RASSF8: variants seen among roughly 807,000 people sequenced by gnomAD.
The protein encoded by RASSF8 is ras association domain-containing protein 8.
A neutral mutation model predicts 48.5 loss-of-function variants in RASSF8; 22 were observed. The observed-to-expected ratio is 0.45, with a 90% CI of 0.32 to 0.65. The LOEUF (loss-of-function observed/expected upper bound fraction) is 0.65. Among genes scored for constraint, RASSF8 ranks in the 30% least tolerant of loss-of-function variants. The probability of loss-of-function intolerance (pLI) is 0.03; values close to 1 mark genes in which losing one functional copy is unlikely to be tolerated. For missense variants in RASSF8, 418 were observed against 489.2 expected (o/e 0.85, Z 1.37); for synonymous variants, 127 against 171.5 (o/e 0.74, Z 2.03).
At chr12:26,006,474 AATG>A (rs1326378716) in intron 2 of RASSF8, among the ~76,000 whole-genome samples, 1 of 152,218 alleles carries the variant, frequency 6.6e-6, no homozygotes, top group African/African-American at 2.4e-5. Context: ...CAATTCAGTG[AATG>A]ATAACTGTCA....
chr12:26,070,444 C>A lies in RASSF8; in HGVS notation c.*1626C>A. The A allele has an allele frequency of 1.0e-6, 1 of 985,314 alleles. No homozygotes were observed. Among genetic ancestry groups the A allele is most frequent in the East Asian group, 1.1e-4 (1 of 8,816 alleles). The allele number at this position is 985,314 out of a possible 1,614,324, so 61.0% of individuals were successfully genotyped here. A position where few individuals can be genotyped will look rare whatever the true frequency, so the allele number is the denominator to read the frequency against. On this transcript the variant is annotated 3_prime_UTR_variant, in exon 6 of 6. Coordinates refer to ENST00000689635, the MANE Select transcript of RASSF8 (RefSeq NM_001394098.1). ...TTTCTAGTGCAGCTAAGTGGCGGAC[C>A]TCAACTGAAGATATGAGTTTCTTTG...
chr12:26,070,957 A>G lies in RASSF8; in HGVS notation c.*2139A>G, dbSNP rs1943986691. On this transcript the variant is annotated 3_prime_UTR_variant, in exon 6 of 6. Coordinates refer to ENST00000689635, the MANE Select transcript of RASSF8 (RefSeq NM_001394098.1). ...AAGCAGCATCCTAGCAACTTGTAGT[A>G]GTCTTGGGTTCCCAGCAGAGTATCA... 1.0e-6 allele frequency: 1 copy of G among 983,640 alleles called. No individual in the cohort carries two copies. The highest frequency in any genetic ancestry group is 4.7e-5 in the South Asian group (1 of 21,262). The allele number at this position is 983,640 out of a possible 1,614,324, so 60.9% of individuals were successfully genotyped here.
intron 2 of RASSF8, among the ~76,000 whole-genome samples, chr12:26,001,372 A>T (rs895847947): frequency 2.0e-5 from 3 of 151,894 alleles, no homozygotes; most frequent in African/African-American, 7.3e-5. Flanking sequence ...CCTATTAACA[A>T]TTTTTATTCT....
At chr12:25,964,846 G>A (rs976997740) in intron 1 of RASSF8, among the ~76,000 whole-genome samples, 1 of 152,120 alleles carries the variant, frequency 6.6e-6, no homozygotes, top group Admixed American at 6.5e-5. Context: ...TTAAATGTCA[G>A]AATATCTTAT....
intron 1 of RASSF8, among the ~76,000 whole-genome samples, chr12:25,992,088 A>G (rs1942028681): frequency 6.6e-6 from 1 of 152,228 alleles, no homozygotes; most frequent in Non-Finnish European, 1.5e-5. Flanking sequence ...TATCTAGGTA[A>G]AAGGAATCAT....
Position 26,068,980 on chromosome 12 carries a change from T to C in RASSF8, c.*162T>C. On this transcript the variant is annotated 3_prime_UTR_variant, in exon 6 of 6. Transcript: ENST00000689635. ...CTTGGAGCCATACCCTGTGCACTGA[T>C]GCTAAAGAACAAAGAAACTGTGTTT... The C allele has an allele frequency of 1.5e-6, 2 of 1,363,500 alleles. No homozygotes were observed. The highest frequency in any genetic ancestry group is 9.5e-7 in the Non-Finnish European group (1 of 1,057,472). The allele number at this position is 1,363,500 out of a possible 1,614,324, so 84.5% of individuals were successfully genotyped here. A position where few individuals can be genotyped will look rare whatever the true frequency, so the allele number is the denominator to read the frequency against.
chr12:26,066,498 T>C (rs56306595), intron 4 of RASSF8, among the ~76,000 whole-genome samples: 21,326 of 152,104 alleles, frequency 0.14, 1,573 homozygotes, highest in Middle Eastern at 0.21. Flanking sequence ...ATTTTGAAAA[T>C]CAAGAATTTC....
downstream of RASSF8, chr12:26,073,016 A>G (rs1432754055): frequency 4.9e-6 from 1 of 205,262 alleles, no homozygotes; most frequent in East Asian, 1.9e-4. Context: ...TACTGCTCCA[A>G]AGATGGCTTC....
chr12:26,049,073 T>C (rs1277860417), intron 2 of RASSF8, among the ~76,000 whole-genome samples: 4 of 152,190 alleles, frequency 2.6e-5, no homozygotes, highest in Admixed American at 1.3e-4. Context: ...TCATCTTTTT[T>C]AAGGTATGGT....
chr12:26,075,630 G>A (rs2137355174), downstream of RASSF8, among the ~76,000 whole-genome samples: 2 of 152,344 alleles, frequency 1.3e-5, no homozygotes, highest in South Asian at 4.1e-4. Context: ...AAGAAGTGAA[G>A]AAGGTGGACA....
chr12:26,071,183 G>C lies in RASSF8; in HGVS notation c.*2365G>C. 1 of 978,138 alleles carries C rather than the reference G, an allele frequency of 1.0e-6. No homozygotes were observed. The highest frequency in any genetic ancestry group is 1.1e-4 in the East Asian group (1 of 8,782). The allele number at this position is 978,138 out of a possible 1,614,324, so 60.6% of individuals were successfully genotyped here. A position where few individuals can be genotyped will look rare whatever the true frequency, so the allele number is the denominator to read the frequency against. The stretch of plus-strand genomic sequence containing the variant: ...TCTAAGGAATATTTTCTAAGACTCA[G>C]AGGGAAAAAAACTCGTTTTCATAGG... On this transcript the variant is annotated 3_prime_UTR_variant, in exon 6 of 6. Coordinates refer to ENST00000689635, the MANE Select transcript of RASSF8 (RefSeq NM_001394098.1).
At chr12:26,024,586 G>T (rs1272686719) in intron 2 of RASSF8, among the ~76,000 whole-genome samples, 2 of 152,120 alleles carry the variant, frequency 1.3e-5, no homozygotes, top group African/African-American at 4.8e-5. Context: ...ACTAAATTTA[G>T]CAGTGTATAA....
intron 2 of RASSF8, among the ~76,000 whole-genome samples, chr12:26,011,467 CAA>C (rs962705780): frequency 1.3e-5 from 2 of 152,100 alleles, no homozygotes; most frequent in Non-Finnish European, 2.9e-5. Flanking sequence ...CCTGCAGTCC[CAA>C]AAACACCTGA....
At chr12:26,063,953 C>G (rs1943805819) in intron 3 of RASSF8, among the ~76,000 whole-genome samples, 1 of 152,094 alleles carries the variant, frequency 6.6e-6, no homozygotes, top group Non-Finnish European at 1.5e-5. Context: ...ACCTGGGCAC[C>G]TCCTGTGGCT....
At chr12:25,972,604 A>C (rs1434261960) in intron 1 of RASSF8, among the ~76,000 whole-genome samples, 5 of 152,178 alleles carry the variant, frequency 3.3e-5, no homozygotes, top group African/African-American at 1.2e-4. Context: ...TTTTCTTTTT[A>C]TAAGGTTAAA....
chr12:25,999,634 G>C (rs908424834), intron 2 of RASSF8, among the ~76,000 whole-genome samples: 1 of 152,052 alleles, frequency 6.6e-6, no homozygotes. Context: ...AGGCTGAGGT[G>C]GGAGGATTAC....
chr12:26,019,881 T>C (rs1026504155), intron 2 of RASSF8, among the ~76,000 whole-genome samples: 1 of 152,108 alleles, frequency 6.6e-6, no homozygotes. Flanking sequence ...TTCTGGATAT[T>C]GATTGGTTGA....
intron 2 of RASSF8, among the ~76,000 whole-genome samples, chr12:26,031,425 G>C (rs983924336): frequency 6.6e-6 from 1 of 152,158 alleles, no homozygotes; most frequent in African/African-American, 2.4e-5. Flanking sequence ...TGTGAAATCA[G>C]TGTAGAGTTC....
At chr12:25,998,855 TAAA>T (rs901041892) in intron 2 of RASSF8, among the ~76,000 whole-genome samples, 1 of 151,868 alleles carries the variant, frequency 6.6e-6, no homozygotes, top group Non-Finnish European at 1.5e-5. Flanking sequence ...GTCTAATTAA[TAAA>T]AAAACAAAAT....
Sources: allele counts gnomAD v4.1 joint callset (sites outside exome capture counted in the v4.1 genomes callset), GRCh38; gene constraint gnomAD v4.1.1; transcripts MANE v1.5; gene names NCBI Gene and HGNC (gene_info 2026-07-23, HGNC 2026-07-21).